The following AKAP6 variants were observed in gnomAD, a reference collection of about 807,000 sequenced individuals.
AKAP6 encodes the protein A-kinase anchor protein 6.
Under a neutral mutation model 188.5 loss-of-function variants are expected in AKAP6, and 58 were observed. The ratio of observed to expected loss-of-function variants is 0.31; its 90% CI spans 0.25 to 0.38. The LOEUF (loss-of-function observed/expected upper bound fraction) is 0.38. Ranked by LOEUF, AKAP6 falls within the 10% of genes least tolerant of loss-of-function variation. AKAP6 has a pLI of 1.00. For synonymous variants in AKAP6, 989 were observed against 998.6 expected, an observed-to-expected ratio of 0.99 and a Z score of 0.18; for missense variants, 2,710 against 2,740.0, an observed-to-expected ratio of 0.99 and a Z score of 0.24.
At chr14:32,741,018 C>CTTTTTTTTT (rs765988445) in intron 11 of AKAP6, among the ~76,000 whole-genome samples, 1 of 136,748 alleles carries the variant, frequency 7.3e-6, no homozygotes, top group Non-Finnish European at 1.6e-5. Flanking sequence ...TTCCTTTTTT[C>CTTTTTTTTT]TTTTTTTTTT....
At chr14:32,441,163 T>C (rs949626415) in intron 2 of AKAP6, among the ~76,000 whole-genome samples, 4 of 152,224 alleles carry the variant, frequency 2.6e-5, no homozygotes, top group African/African-American at 7.2e-5. Context: ...CTAAGGTGTT[T>C]TGTTATAGTA....
chr14:32,358,724 G>T (rs1162136022), intron 1 of AKAP6, among the ~76,000 whole-genome samples: 1 of 152,076 alleles, frequency 6.6e-6, no homozygotes, highest in Non-Finnish European at 1.5e-5. Flanking sequence ...GTTTCCTCAG[G>T]GGATAGTGAG....
chr14:32,504,541 G>C (rs1356274998), intron 2 of AKAP6, among the ~76,000 whole-genome samples: 1 of 152,054 alleles, frequency 6.6e-6, no homozygotes, highest in Non-Finnish European at 1.5e-5. Context: ...CGGCCTCCCA[G>C]GGTGCTAGGA....
chr14:32,663,115 T>A lies in AKAP6; in HGVS notation c.2731-15196T>A, dbSNP rs1390143431. 2.6e-5 allele frequency among the ~76,000 whole-genome samples: 4 copies of A among 152,130 alleles called. No individual in the cohort carries two copies. The East Asian group carries it at 7.7e-4, about 29-fold the overall frequency. ...CAACAATCAATTACAATAATTCTTC[T>A]TTTTTAGTGCTTATATTTCCCACAT... On this transcript the variant is annotated intron_variant, in intron 7 of 13. Coordinates refer to ENST00000280979, the MANE Select transcript of AKAP6 (RefSeq NM_004274.5).
intron 10 of AKAP6, chr14:32,732,822 T>C: frequency 1.6e-6 from 1 of 625,760 alleles, no homozygotes; most frequent in Admixed American, 3.0e-5. Context: ...TTAATAATTT[T>C]GGTTCTTTAA....
intron 1 of AKAP6, among the ~76,000 whole-genome samples, chr14:32,411,983 A>G (rs1174048715): frequency 1.3e-5 from 2 of 151,914 alleles, no homozygotes; most frequent in East Asian, 1.9e-4. Flanking sequence ...AAAAAAACAC[A>G]TTGGTAAGTA....
chr14:32,610,298 G>C (rs541938218), intron 7 of AKAP6, among the ~76,000 whole-genome samples: 1 of 152,124 alleles, frequency 6.6e-6, no homozygotes, highest in Non-Finnish European at 1.5e-5. Flanking sequence ...GTTAAGATTT[G>C]TGTCAATGTT....
In AKAP6 at chr14:32,823,372, A is replaced by G. The variant is rs2034584512; in HGVS notation, c.5559A>G (p.Val1853=). The stretch of plus-strand genomic sequence containing the variant: ...TTGAGACCCTTCTAAATGGCTCTGT[A>G]AAACGTGTCTCTGAAAATAATGGAA... ...LNIETLLNGS[V]KRVSENNGNG... Residue 1853 remains valine (V), a synonymous_variant, in exon 13 of 14, where the codon GTA becomes GTG. Coordinates refer to ENST00000280979, the MANE Select transcript of AKAP6 (RefSeq NM_004274.5). 1.2e-6 allele frequency: 2 copies of G among 1,613,884 alleles called. No individual in the cohort carries two copies. The highest frequency in any genetic ancestry group is 1.1e-5 in the South Asian group (1 of 91,082).
chr14:32,357,741 T>A (rs1024604247), intron 1 of AKAP6, among the ~76,000 whole-genome samples: 2 of 152,236 alleles, frequency 1.3e-5, no homozygotes, highest in African/African-American at 4.8e-5. Flanking sequence ...ATTGACTTAA[T>A]TGGAATAGGG....
At chr14:32,659,297 A>G (rs1437362416) in intron 7 of AKAP6, among the ~76,000 whole-genome samples, 2 of 152,144 alleles carry the variant, frequency 1.3e-5, no homozygotes, top group African/African-American at 4.8e-5. Flanking sequence ...TTCAAGTAAA[A>G]ATAGTGTTAT....
At chr14:32,511,507 C>G (rs1277285766) in intron 2 of AKAP6, among the ~76,000 whole-genome samples, 4 of 151,882 alleles carry the variant, frequency 2.6e-5, no homozygotes, top group Admixed American at 2.6e-4. Flanking sequence ...TCCAAAGTAG[C>G]TGGGACTACA....
At chr14:32,680,597 C>G (rs115069963) in intron 8 of AKAP6, among the ~76,000 whole-genome samples, 2 of 152,016 alleles carry the variant, frequency 1.3e-5, no homozygotes, top group Non-Finnish European at 2.9e-5. Flanking sequence ...TGATACAATT[C>G]GTATCATTTT....
At chr14:32,438,049 G>A (rs1890445441) in intron 2 of AKAP6, among the ~76,000 whole-genome samples, 1 of 152,176 alleles carries the variant, frequency 6.6e-6, no homozygotes, top group Non-Finnish European at 1.5e-5. Flanking sequence ...TGTTGTATAG[G>A]TGAGTCCAAG....
chr14:32,827,766 A>T (rs1002150622), intron 13 of AKAP6, among the ~76,000 whole-genome samples: 1 of 152,142 alleles, frequency 6.6e-6, no homozygotes, highest in African/African-American at 2.4e-5. Flanking sequence ...ACTTTGCGCT[A>T]ATCTTTTTGC....
chr14:32,553,500 AT>A (rs892836575), intron 4 of AKAP6, among the ~76,000 whole-genome samples: 54 of 152,188 alleles, frequency 3.5e-4, no homozygotes, highest in African/African-American at 1.3e-3. Flanking sequence ...GGGAAAATTG[AT>A]TTTTGGATAA....
At chr14:32,385,954 C>A (rs1200894256) in intron 1 of AKAP6, among the ~76,000 whole-genome samples, 1 of 147,868 alleles carries the variant, frequency 6.8e-6, no homozygotes, top group African/African-American at 2.5e-5. Flanking sequence ...TACATATATT[C>A]ATATATACAG....
chr14:32,824,789 C>T lies in AKAP6; in HGVS notation c.*16C>T, dbSNP rs1566741266. 1.3e-6 allele frequency: 2 copies of T among 1,597,074 alleles called. No individual in the cohort carries two copies. ...GCATAGGTAGAATGTACCCCCTCCC[C>T]AAGCATGAAAATCATCTCACTGAAA... On this transcript the variant is annotated 3_prime_UTR_variant, in exon 13 of 14. Coordinates refer to ENST00000280979, the MANE Select transcript of AKAP6 (RefSeq NM_004274.5).
chr14:32,477,250 A>T (rs1879115777), intron 2 of AKAP6, among the ~76,000 whole-genome samples: 1 of 152,082 alleles, frequency 6.6e-6, no homozygotes, highest in South Asian at 2.1e-4. Flanking sequence ...ACATCTCATG[A>T]CCCTAACTTC....
intron 2 of AKAP6, among the ~76,000 whole-genome samples, chr14:32,443,161 C>A (rs147688708): frequency 1.3e-5 from 2 of 151,970 alleles, no homozygotes; most frequent in Non-Finnish European, 2.9e-5. Flanking sequence ...TTTGGGCGGC[C>A]GAGGCAGGTG....
Sources: allele counts gnomAD v4.1 joint callset (sites outside exome capture counted in the v4.1 genomes callset), GRCh38; gene constraint gnomAD v4.1.1; transcripts MANE v1.5; gene names NCBI Gene and HGNC (gene_info 2026-07-23, HGNC 2026-07-21).